ABCC1: variants seen among roughly 807,000 people sequenced by gnomAD.
ABCC1 encodes ATP binding cassette subfamily C member 1 (ABCC1 blood group), also known as multidrug resistance-associated protein 1.
In ABCC1, 83 loss-of-function variants were observed where a neutral mutation model predicts 172.9. That is an observed-to-expected ratio of 0.48 (90% CI 0.40 to 0.58). The LOEUF (loss-of-function observed/expected upper bound fraction) is 0.58, where lower values mean the gene tolerates loss of function less well. Among genes scored for constraint, ABCC1 ranks in the 20% least tolerant of loss-of-function variants. The pLI is 0.00. For missense variants in ABCC1, 1,817 were observed against 2,002.7 expected, an observed-to-expected ratio of 0.91 and a Z score of 1.77; for synonymous variants, 937 against 825.2, an observed-to-expected ratio of 1.14 and a Z score of -2.32.
intron 19 of ABCC1, among the ~76,000 whole-genome samples, chr16:16,092,823 C>G (rs989144897): frequency 6.6e-6 from 1 of 152,168 alleles, no homozygotes; most frequent in Admixed American, 6.5e-5. Flanking sequence ...AACCTCGTCT[C>G]TACTGAAAGT....
At chr16:15,953,167 C>T (rs901142053) in intron 1 of ABCC1, among the ~76,000 whole-genome samples, 1 of 151,954 alleles carries the variant, frequency 6.6e-6, no homozygotes, top group Non-Finnish European at 1.5e-5. Flanking sequence ...AAAACCCCAT[C>T]CCTACTAAAA....
In ABCC1 at chr16:16,014,536, C is replaced by A. The variant is rs369321712; in HGVS notation, c.397C>A (p.Gln133Lys). 2 of 1,614,044 alleles carry A rather than the reference C, an allele frequency of 1.2e-6. No individual in the cohort carries two copies. The highest frequency in any genetic ancestry group is 2.7e-5 in the African/African-American group (2 of 74,942). ...TCAGCTGGAGAGGAGGAAGGGAGTT[C>A]AGTCTTCAGGGATCATGCTCACTTT... The part of the protein sequence containing the change: ...LIQLERRKGV[Q>K]SSGIMLTFWL... Residue 133 changes from glutamine to lysine, a missense_variant, in exon 4 of 31, where the codon CAG (glutamine) becomes AAG (lysine). Physicochemically the swap from Gln to Lys is moderately conservative, Grantham distance 53. Transcript: ENST00000399410.
intron 1 of ABCC1, among the ~76,000 whole-genome samples, chr16:16,007,283 A>G (rs1597106674): frequency 6.6e-6 from 1 of 151,074 alleles, no homozygotes; most frequent in South Asian, 2.1e-4. Flanking sequence ...GGTGTAGTAC[A>G]GTGGCATGAT....
intron 5 of ABCC1, among the ~76,000 whole-genome samples, chr16:16,023,328 A>C (rs1376874207): frequency 6.6e-6 from 1 of 152,232 alleles, no homozygotes; most frequent in Non-Finnish European, 1.5e-5. Context: ...TTTTTTGCTT[A>C]AAATTTACAT....
chr16:16,067,114 G>A (rs2151946535), intron 12 of ABCC1, among the ~76,000 whole-genome samples: 1 of 152,238 alleles, frequency 6.6e-6, no homozygotes, highest in East Asian at 1.9e-4. Flanking sequence ...GCCGGGCATG[G>A]TGGTATGCGC....
At position 16,136,486 on chromosome 16, in the gene ABCC1, T is replaced by C. The variant is rs879244485; in HGVS notation, c.4134T>C (p.Val1378=). 6.2e-7 allele frequency: 1 copy of C among 1,614,172 alleles called. No individual in the cohort carries two copies. The highest frequency in any genetic ancestry group is 1.1e-5 in the South Asian group (1 of 91,084). ...FKITIIPQDP[V]LFSGSLRMNL... ...CTCTTCTCTCTGAACAGGACCCTGT[T>C]TTGTTTTCGGGTTCCCTCCGAATGA... Residue 1378 remains valine (V), a synonymous_variant, in exon 29 of 31, where the codon GTT becomes GTC. Coordinates refer to ENST00000399410, the MANE Select transcript of ABCC1 (RefSeq NM_004996.4).
intron 23 of ABCC1, among the ~76,000 whole-genome samples, chr16:16,117,029 G>C (rs1221350586): frequency 6.6e-6 from 1 of 152,134 alleles, no homozygotes. Context: ...GACTGGGGGG[G>C]ATTTCATCAC....
chr16:16,080,377 G>A (rs1055440036), intron 16 of ABCC1, among the ~76,000 whole-genome samples: 5 of 152,292 alleles, frequency 3.3e-5, no homozygotes, highest in Non-Finnish European at 5.9e-5. Context: ...GGAGCTAAAA[G>A]AAGACTGCAG....
chr16:16,001,985 T>A (rs12926865), intron 1 of ABCC1, among the ~76,000 whole-genome samples: 1 of 151,610 alleles, frequency 6.6e-6, no homozygotes, highest in Non-Finnish European at 1.5e-5. Context: ...CCCAAAATGC[T>A]GGAGTTACAG....
chr16:16,041,235 G>A (rs2048967630), intron 7 of ABCC1, among the ~76,000 whole-genome samples: 1 of 151,946 alleles, frequency 6.6e-6, no homozygotes, highest in Admixed American at 6.6e-5. Context: ...CCTGACTGGA[G>A]CCTCCATTTT....
In ABCC1 at chr16:16,001,496, A is replaced by C. The variant is rs541905201; in HGVS notation, c.49-6320A>C. Among the ~76,000 whole-genome samples, 9 of 152,172 alleles carry C rather than the reference A, an allele frequency of 5.9e-5. No individual in the cohort carries two copies. In the South Asian group the frequency reaches 1.9e-3, roughly 32 times the overall value. On this transcript the variant is annotated intron_variant, in intron 1 of 30. Transcript: ENST00000399410. ...ATTACAAGCGTGAGCCACCGCGCCC[A>C]GCCAGGGTTGGTTCTTAAAAGCCAA...
At chr16:16,131,993 G>A (rs45532733) in intron 27 of ABCC1, 58 bp downstream of exon 27, 37 of 1,581,228 alleles carry the variant, frequency 2.3e-5, no homozygotes, top group South Asian at 1.4e-4. Context: ...GGGTGCCATC[G>A]GGCAGGTGAA....
At chr16:16,079,911 C>T (rs1238062083) in intron 16 of ABCC1, among the ~76,000 whole-genome samples, 2 of 150,970 alleles carry the variant, frequency 1.3e-5, no homozygotes, top group African/African-American at 4.9e-5. Context: ...CCTCCTGGGT[C>T]CAAGCGATTC....
At chr16:16,032,566 T>G (rs186111584) in intron 5 of ABCC1, among the ~76,000 whole-genome samples, 1 of 152,346 alleles carries the variant, frequency 6.6e-6, no homozygotes, top group East Asian at 1.9e-4. Context: ...AGTAATACCA[T>G]GTTTATAGAA....
rs551077356 is a variant in ABCC1, at chr16:16,102,564, G to A, written c.2645-63G>A. On this transcript the variant is annotated intron_variant, in intron 19 of 30. Transcript: ENST00000399410. ...CTCACTGAAGTGGCCGGTTTTTGTT[G>A]CCCTTGGTTTTAGCATCTGCCTCAT... 66 of 1,492,866 alleles carry A rather than the reference G, an allele frequency of 4.4e-5. No homozygotes were observed. In the Admixed American group the frequency reaches 1.3e-3, roughly 29 times the overall value. 92.5% of individuals were successfully genotyped at this position (1,492,866 alleles called of 1,614,324 possible).
chr16:16,008,120 G>A, intron 2 of ABCC1, 128 bp downstream of exon 2: 1 of 956,818 alleles, frequency 1.0e-6, no homozygotes, highest in East Asian at 2.6e-5. Context: ...GAAGGCAGAA[G>A]AATAATGTGG....
chr16:16,086,245 C>G (rs1176604632), intron 17 of ABCC1, among the ~76,000 whole-genome samples: 2 of 152,220 alleles, frequency 1.3e-5, no homozygotes, highest in African/African-American at 2.4e-5. Flanking sequence ...ACGGGAGATT[C>G]AGGTTTTCTC....
intron 3 of ABCC1, 28 bp downstream of exon 3, chr16:16,009,929 G>T: frequency 6.4e-7 from 1 of 1,570,252 alleles, no homozygotes; most frequent in Non-Finnish European, 8.6e-7. Context: ...GTGACCCCTG[G>T]GCCATCTGCT....
At chr16:15,959,338 T>A (rs992299425) in intron 1 of ABCC1, among the ~76,000 whole-genome samples, 1 of 152,304 alleles carries the variant, frequency 6.6e-6, no homozygotes, top group South Asian at 2.1e-4. Context: ...CTTTCTTTTT[T>A]CTTTTGAGAC....
Sources: gnomAD v4.1 joint callset for allele counts (sites outside exome capture counted in the v4.1 genomes callset) on GRCh38, gnomAD v4.1.1 for gene constraint, MANE v1.5 for transcripts, NCBI Gene and HGNC (gene_info 2026-07-23, HGNC 2026-07-21) for gene names.